Variants in SRGAP3 observed in about 807,000 individuals in gnomAD.
SRGAP3 encodes the protein SLIT-ROBO Rho GTPase-activating protein 3.
A neutral mutation model predicts 121.1 loss-of-function variants in SRGAP3; 39 were observed. The observed-to-expected ratio is 0.32, with a 90% CI of 0.25 to 0.42. SRGAP3 has a LOEUF of 0.42. Ranked by LOEUF, SRGAP3 falls within the 10% of genes least tolerant of loss-of-function variation. The pLI is 1.00. For synonymous variants in SRGAP3, 601 were observed against 570.0 expected, an observed-to-expected ratio of 1.05 and a Z score of -0.77; for missense variants, 1,213 against 1,470.6, an observed-to-expected ratio of 0.82 and a Z score of 2.86.
chr3:9,003,249 C>G lies in SRGAP3; in HGVS notation c.2227+7059G>C, dbSNP rs562089106. ...AATCTCAGCACTTTGGGAGGCAGAG[C>G]TGGGCGGATAACTTGAGGTCAGGAG... On this transcript the variant is annotated intron_variant, in intron 18 of 21. Transcript: ENST00000383836. Among the ~76,000 whole-genome samples, 5 of 152,206 alleles carry G rather than the reference C, an allele frequency of 3.3e-5. No individual in the cohort carries two copies. In the East Asian group the frequency reaches 7.7e-4, roughly 24 times the overall value.
chr3:9,002,386 T>C (rs1942821867), intron 18 of SRGAP3, among the ~76,000 whole-genome samples: 1 of 152,090 alleles, frequency 6.6e-6, no homozygotes, highest in African/African-American at 2.4e-5. Flanking sequence ...ATCTTTGAGA[T>C]GAATGAAAAT....
chr3:9,098,259 T>C (rs1014727362), intron 3 of SRGAP3, among the ~76,000 whole-genome samples: 1 of 151,180 alleles, frequency 6.6e-6, no homozygotes, highest in Non-Finnish European at 1.5e-5. Flanking sequence ...TCTGAGTCGT[T>C]TATCTAACTA....
At chr3:8,995,734 A>G (rs1942361200) in intron 18 of SRGAP3, among the ~76,000 whole-genome samples, 1 of 152,162 alleles carries the variant, frequency 6.6e-6, no homozygotes, top group African/African-American at 2.4e-5. Flanking sequence ...AGTTTATTCC[A>G]CCTGTTTTAT....
At chr3:9,151,509 C>T (rs545297251) in intron 1 of SRGAP3, among the ~76,000 whole-genome samples, 1 of 152,148 alleles carries the variant, frequency 6.6e-6, no homozygotes, top group Non-Finnish European at 1.5e-5. Flanking sequence ...TTAATCTGGC[C>T]GACTAACGAG....
chr3:9,183,378 G>A (rs143775704), intron 1 of SRGAP3, among the ~76,000 whole-genome samples: 1 of 152,280 alleles, frequency 6.6e-6, no homozygotes, highest in East Asian at 1.9e-4. Flanking sequence ...AGAGATGCAA[G>A]AATTAAATGA....
chr3:9,107,925 G>T (rs1948474344), intron 2 of SRGAP3, among the ~76,000 whole-genome samples: 1 of 152,180 alleles, frequency 6.6e-6, no homozygotes, highest in African/African-American at 2.4e-5. Context: ...CTGCATTTGT[G>T]CTGGGTCTTG....
intron 1 of SRGAP3, among the ~76,000 whole-genome samples, chr3:9,233,977 C>A (rs1171969717): frequency 1.3e-5 from 2 of 152,158 alleles, no homozygotes; most frequent in Non-Finnish European, 2.9e-5. Context: ...ATGTTTCTGG[C>A]AGACAGCAGT....
At chr3:9,168,739 A>G (rs1301767757) in intron 1 of SRGAP3, among the ~76,000 whole-genome samples, 1 of 152,254 alleles carries the variant, frequency 6.6e-6, no homozygotes, top group Non-Finnish European at 1.5e-5. Flanking sequence ...TGCAGATATG[A>G]GGAAAGAGAG....
At chr3:9,044,276 G>A (rs1945151489) in intron 10 of SRGAP3, among the ~76,000 whole-genome samples, 2 of 152,202 alleles carry the variant, frequency 1.3e-5, no homozygotes, top group Non-Finnish European at 2.9e-5. Context: ...GCCTGAAACT[G>A]TGGATAGTAC....
chr3:9,289,919 C>A (rs748488627), intron 3 of SRGAP3, among the ~76,000 whole-genome samples: 21 of 152,050 alleles, frequency 1.4e-4, no homozygotes, highest in Non-Finnish European at 2.4e-4. Flanking sequence ...ACCAGCCTGG[C>A]CAACATGGTG....
Position 9,124,905 on chromosome 3 carries a change from T to C in SRGAP3, c.80A>G (p.Gln27Arg). The change falls in exon 2 of 22, where the codon CAG becomes CGG. Residue 27 changes from glutamine to arginine, a missense_variant. Gln to Arg is a conservative substitution (Grantham distance 43, BLOSUM62 1). Coordinates refer to ENST00000383836, the MANE Select transcript of SRGAP3 (RefSeq NM_014850.4). Reference sequence around the variant, plus strand: ...CAGACATTTGAACTGCTCCACCAGCTGCGTGCGGATCTCTGCGGGCACACA... The same window carrying C: ...CAGACATTTGAACTGCTCCACCAGCCGCGTGCGGATCTCTGCGGGCACACA... ...YEAQIKEIRTQLVEQFKCLEQ... is the reference protein window; with the variant it reads ...YEAQIKEIRTRLVEQFKCLEQ... The C allele has an allele frequency of 5.0e-6, 8 of 1,614,152 alleles. No individual in the cohort carries two copies. The highest frequency in any genetic ancestry group is 5.9e-6 in the Non-Finnish European group (7 of 1,180,032).
chr3:9,114,083 C>T (rs1299933510), intron 2 of SRGAP3, among the ~76,000 whole-genome samples: 2 of 152,104 alleles, frequency 1.3e-5, no homozygotes, highest in Non-Finnish European at 2.9e-5. Flanking sequence ...GTCCCCTGGC[C>T]AAAGCAGGCT....
Position 8,992,265 on chromosome 3 carries a change from GCTTTT to G in SRGAP3, c.2558+636_2558+640del, listed in dbSNP as rs140706090. On this transcript the variant is annotated intron_variant, in intron 20 of 21. Transcript: ENST00000383836. ...CTAAAAAGGCAGTGAGAAACTGTCA[GCTTTT>G]CTTTTCTTTTCTTCTTATTTCCTCA... is the stretch of plus-strand genomic sequence containing the variant. Among the ~76,000 whole-genome samples the G allele has an allele frequency of 5.3e-3, 800 of 152,276 alleles. 8 individuals carry two copies. The highest frequency in any genetic ancestry group is 0.018 in the African/African-American group (753 of 41,548).
At chr3:8,999,892 G>T (rs1475654847) in intron 18 of SRGAP3, among the ~76,000 whole-genome samples, 1 of 152,150 alleles carries the variant, frequency 6.6e-6, no homozygotes, top group African/African-American at 2.4e-5. Context: ...AAAAGAAAAA[G>T]AAATATTTCA....
chr3:9,180,574 A>G (rs1397959263), intron 1 of SRGAP3, among the ~76,000 whole-genome samples: 1 of 152,162 alleles, frequency 6.6e-6, no homozygotes, highest in African/African-American at 2.4e-5. Context: ...AGTTTCACCA[A>G]AGCAACTGGA....
intron 1 of SRGAP3, among the ~76,000 whole-genome samples, chr3:9,181,496 A>T (rs1336957071): frequency 1.3e-5 from 2 of 152,240 alleles, no homozygotes; most frequent in East Asian, 3.9e-4. Context: ...TCTCGGAAAA[A>T]TCTGCTTCTT....
At chr3:8,996,803 G>A (rs750793847) in intron 18 of SRGAP3, among the ~76,000 whole-genome samples, 3 of 152,220 alleles carry the variant, frequency 2.0e-5, no homozygotes, top group Non-Finnish European at 4.4e-5. Flanking sequence ...AGACAGCTGC[G>A]TGCTCCTGGG....
At chr3:9,022,516 C>T (rs936190023) in intron 14 of SRGAP3, among the ~76,000 whole-genome samples, 16 of 152,094 alleles carry the variant, frequency 1.1e-4, no homozygotes, top group African/African-American at 3.4e-4. Context: ...AGCAGGCTGA[C>T]GGCCAGGAAG....
intron 3 of SRGAP3, among the ~76,000 whole-genome samples, chr3:9,267,154 G>A (rs915481945): frequency 1.3e-5 from 2 of 152,126 alleles, no homozygotes; most frequent in African/African-American, 2.4e-5. Context: ...TCTACCCAGC[G>A]AGGATTTAGG....
Sources: allele counts gnomAD v4.1 joint callset (sites outside exome capture counted in the v4.1 genomes callset), GRCh38; gene constraint gnomAD v4.1.1; transcripts MANE v1.5; gene names NCBI Gene and HGNC (gene_info 2026-07-23, HGNC 2026-07-21).